The following NEDD9 variants were observed in gnomAD, a reference collection of about 807,000 sequenced individuals.
The protein encoded by NEDD9 is neural precursor cell expressed, developmentally down-regulated 9, also known as enhancer of filamentation 1.
In NEDD9, 26 loss-of-function variants were observed where a neutral mutation model predicts 76.6. The observed-to-expected ratio is 0.34, with a 90% CI of 0.25 to 0.47. NEDD9 has a LOEUF of 0.47. NEDD9 is among the 20% of genes least tolerant of loss of function. NEDD9 has a pLI of 1.00. For synonymous variants in NEDD9, 392 were observed against 414.2 expected, an observed-to-expected ratio of 0.95 and a Z score of 0.65; for missense variants, 937 against 1,058.5, an observed-to-expected ratio of 0.89 and a Z score of 1.59.
intron 3 of NEDD9, among the ~76,000 whole-genome samples, chr6:11,259,935 AACAC>A (rs55634199): frequency 7.0e-6 from 1 of 142,504 alleles, no homozygotes; most frequent in African/African-American, 2.6e-5. Context: ...CTGCGCCCTT[AACAC>A]ACACACACAC....
At chr6:11,222,578 G>A (rs1477541446) in intron 1 of NEDD9, among the ~76,000 whole-genome samples, 1 of 152,218 alleles carries the variant, frequency 6.6e-6, no homozygotes, top group Non-Finnish European at 1.5e-5. Context: ...ACACGCACAT[G>A]TTATACACCA....
At chr6:11,239,772 A>G (rs992062835) in intron 3 of NEDD9, among the ~76,000 whole-genome samples, 13 of 152,120 alleles carry the variant, frequency 8.5e-5, no homozygotes, top group African/African-American at 3.1e-4. Context: ...TAGGCCAGGC[A>G]CGGTGGCTCA....
intron 2 of NEDD9, among the ~76,000 whole-genome samples, chr6:11,331,251 T>C (rs1762031727): frequency 6.6e-6 from 1 of 151,558 alleles, no homozygotes; most frequent in South Asian, 2.1e-4. Flanking sequence ...TAAGAATTGC[T>C]AAAAAGATAA....
chr6:11,298,234 T>C (rs1039376758), intron 3 of NEDD9, among the ~76,000 whole-genome samples: 8 of 152,106 alleles, frequency 5.3e-5, no homozygotes, highest in African/African-American at 1.9e-4. Context: ...ACCAGCATCC[T>C]ACCTGAAAAA....
Position 11,185,299 on chromosome 6 carries a change from T to A in NEDD9, c.2368A>T (p.Ile790Leu), listed in dbSNP as rs558466063. 2.5e-6 allele frequency: 4 copies of A among 1,614,148 alleles called. No individual in the cohort carries two copies. In the East Asian group the frequency reaches 6.7e-5, roughly 27 times the overall value. ...GCGGCCATCTTGGTTGCCATGACTA[T>A]GGTCTTGAGCTGCTCGCAGAGCTGG... ...SNQLCEQLKT[I>L]VMATKMAALH... Residue 790 changes from isoleucine (I) to leucine (L), a missense_variant, in exon 7 of 7, where the codon ATA becomes TTA. By Grantham distance (5) the Ile-to-Leu change is conservative (BLOSUM62 2). Coordinates refer to ENST00000379446, the MANE Select transcript of NEDD9 (RefSeq NM_006403.4).
chr6:11,249,289 T>G (rs1340362404), intron 3 of NEDD9: 1 of 417,932 alleles, frequency 2.4e-6, no homozygotes, highest in Non-Finnish European at 4.7e-6. Context: ...CCTAGATGAA[T>G]GAGTTTAAAA....
intron 1 of NEDD9, among the ~76,000 whole-genome samples, chr6:11,374,073 T>C (rs1359500425): frequency 6.6e-6 from 1 of 152,012 alleles, no homozygotes; most frequent in East Asian, 1.9e-4. Flanking sequence ...TCTCTATATA[T>C]ATATGTATAT....
chr6:11,346,337 G>A (rs1248518888), intron 1 of NEDD9, among the ~76,000 whole-genome samples: 1 of 152,204 alleles, frequency 6.6e-6, no homozygotes, highest in Admixed American at 6.5e-5. Context: ...ATGTCATGAT[G>A]GTGGCAGCCC....
intron 1 of NEDD9, among the ~76,000 whole-genome samples, chr6:11,224,086 AAAG>A (rs869155316): frequency 7.2e-5 from 11 of 152,248 alleles, no homozygotes; most frequent in Admixed American, 3.3e-4. Context: ...TACTCACAAA[AAAG>A]AAATATTTTT....
chr6:11,253,227 T>C (rs1283233512), intron 3 of NEDD9, among the ~76,000 whole-genome samples: 2 of 152,172 alleles, frequency 1.3e-5, no homozygotes, highest in Non-Finnish European at 2.9e-5. Context: ...CAACCCATGT[T>C]GATAAAAAAG....
chr6:11,200,721 G>A, intron 2 of NEDD9: 1 of 1,326,742 alleles, frequency 7.5e-7, no homozygotes, highest in Non-Finnish European at 9.6e-7. Flanking sequence ...AACCAAAGCA[G>A]CAAATGGTAA....
At position 11,213,682 on chromosome 6, in the gene NEDD9, C is replaced by T. The variant is rs1263322836; in HGVS notation, c.58G>A (p.Glu20Lys). 19 of 1,614,058 alleles carry T rather than the reference C, an allele frequency of 1.2e-5. No individual in the cohort carries two copies. Among genetic ancestry groups the T allele is most frequent in the Admixed American group, 1.7e-5 (1 of 60,000 alleles). The change falls in exon 2 of 7, where the codon GAG becomes AAG. Residue 20 changes from glutamate to lysine, a missense_variant. Glu to Lys is a moderately conservative substitution (Grantham distance 56, BLOSUM62 1). Coordinates refer to ENST00000379446, the MANE Select transcript of NEDD9 (RefSeq NM_006403.4). This position sits in a 1 kb window ranked among gnomAD's most constrained non-coding sequence, Gnocchi z 5.4. ...TCTCCCTTGCGAAAGGCCAGTTCCT[C>T]GGCACACTCTGGGACATTGTCATAT... Reference protein sequence around the residue: ...ALYDNVPECAEELAFRKGDIL... With the variant: ...ALYDNVPECAKELAFRKGDIL...
intron 3 of NEDD9, among the ~76,000 whole-genome samples, chr6:11,245,757 T>G (rs1424169547): frequency 4.6e-5 from 7 of 152,230 alleles, no homozygotes; most frequent in Non-Finnish European, 1.0e-4. Flanking sequence ...GTGGAAATAC[T>G]TTAGCACATT....
At chr6:11,256,195 A>G (rs575574552) in intron 3 of NEDD9, among the ~76,000 whole-genome samples, 1 of 152,198 alleles carries the variant, frequency 6.6e-6, no homozygotes, top group Non-Finnish European at 1.5e-5. Flanking sequence ...GCAGATTCAC[A>G]AGCCACCTGC....
At chr6:11,306,228 G>T (rs972475750) in intron 2 of NEDD9, 4 of 583,530 alleles carry the variant, frequency 6.9e-6, no homozygotes, top group Non-Finnish European at 9.2e-6. Flanking sequence ...ATCATTTAAG[G>T]GTTGCATCAT....
chr6:11,216,144 T>A (rs1324270420), intron 1 of NEDD9, among the ~76,000 whole-genome samples: 5 of 152,224 alleles, frequency 3.3e-5, no homozygotes, highest in Non-Finnish European at 7.3e-5. Context: ...TGAGTCCTCC[T>A]GACTGGTTGT....
intron 1 of NEDD9, among the ~76,000 whole-genome samples, chr6:11,378,024 C>T (rs1269704918): frequency 3.3e-5 from 5 of 152,136 alleles, no homozygotes; most frequent in Non-Finnish European, 7.4e-5. Context: ...GGGTGGATCA[C>T]CTGAGGTCAG....
chr6:11,220,361 G>A (rs1166768650), intron 1 of NEDD9, among the ~76,000 whole-genome samples: 1 of 152,140 alleles, frequency 6.6e-6, no homozygotes, highest in Non-Finnish European at 1.5e-5. Flanking sequence ...GAGTCCTCAA[G>A]TTTTCTTAGA....
chr6:11,205,860 T>G (rs1176943093), intron 2 of NEDD9, among the ~76,000 whole-genome samples: 2 of 152,130 alleles, frequency 1.3e-5, no homozygotes, highest in African/African-American at 2.4e-5. Flanking sequence ...ACTCCTGACC[T>G]CAGGTGATCT....
Sources: gnomAD v4.1 joint callset for allele counts (sites outside exome capture counted in the v4.1 genomes callset) on GRCh38, gnomAD v4.1.1 for gene constraint, Gnocchi (gnomAD v3.1) non-coding constraint, MANE v1.5 for transcripts, NCBI Gene and HGNC (gene_info 2026-07-23, HGNC 2026-07-21) for gene names.